CDH7: variants seen among roughly 807,000 people sequenced by gnomAD.
CDH7 encodes cadherin 7, also known as cadherin-7.
Under a neutral mutation model 71.8 loss-of-function variants are expected in CDH7, and 25 were observed. The observed-to-expected ratio is 0.35, with a 90% CI of 0.25 to 0.49. The LOEUF (loss-of-function observed/expected upper bound fraction) is 0.49, where lower values mean the gene tolerates loss of function less well. Ranked by LOEUF, CDH7 falls within the 20% of genes least tolerant of loss-of-function variation. The pLI, the probability that CDH7 is intolerant of heterozygous loss-of-function variation, is 0.99. For synonymous variants in CDH7, 381 were observed against 363.8 expected (o/e 1.05, Z -0.54); for missense variants, 862 against 974.6 (o/e 0.88, Z 1.54).
Position 65,880,941 on chromosome 18 carries a change from A to T in CDH7, c.*47A>T. 1 of 1,506,294 alleles carries T rather than the reference A, an allele frequency of 6.6e-7. No homozygotes were observed. The highest frequency in any genetic ancestry group is 2.3e-5 in the Admixed American group (1 of 43,836). The allele number at this position is 1,506,294 out of a possible 1,614,324, so 93.3% of individuals were successfully genotyped here. ...TGTACTGAAGAAAAAGTAACAGCAA[A>T]AAATAAAATAAAATGAAATAAAATA... On this transcript the variant is annotated 3_prime_UTR_variant, in exon 12 of 12. Coordinates refer to ENST00000397968, the MANE Select transcript of CDH7 (RefSeq NM_004361.5).
At chr18:65,875,580 T>A (rs1395690484) in intron 11 of CDH7, among the ~76,000 whole-genome samples, 1 of 152,146 alleles carries the variant, frequency 6.6e-6, no homozygotes, top group Non-Finnish European at 1.5e-5. Context: ...CTGGACAACT[T>A]AAACTAATTT....
Position 65,884,439 on chromosome 18 carries a change from C to G in CDH7, c.*3545C>G, listed in dbSNP as rs935654986. The G allele has an allele frequency of 6.6e-6, 1 of 152,096 alleles. No homozygotes were observed. Among genetic ancestry groups the G allele is most frequent in the African/African-American group, 2.4e-5 (1 of 41,416 alleles). 9.4% of individuals were successfully genotyped at this position (152,096 alleles called of 1,614,324 possible). On this transcript the variant is annotated 3_prime_UTR_variant, in exon 12 of 12. Coordinates refer to ENST00000397968, the MANE Select transcript of CDH7 (RefSeq NM_004361.5). ...GATGACTACAATTGAGGTTAGTTGT[C>G]TACAAGATACATGCAGGAGGTAGTA...
Position 65,820,919 on chromosome 18 carries a change from G to T in CDH7, c.626-1162G>T, listed in dbSNP as rs9945564. 5.8e-3 allele frequency among the ~76,000 whole-genome samples: 875 copies of T among 152,040 alleles called. 12 individuals are homozygous for T. The highest frequency in any genetic ancestry group is 0.015 in the African/African-American group (618 of 41,472). Reference sequence around the variant, plus strand: ...GTGCACAGATGATAACACACATACTGATATTAGAAGGAAAAATGAGAGATG... The same window carrying T: ...GTGCACAGATGATAACACACATACTTATATTAGAAGGAAAAATGAGAGATG... On this transcript the variant is annotated intron_variant, in intron 4 of 11. Transcript: ENST00000397968.
chr18:65,829,466 T>TA (rs35511160), intron 6 of CDH7, among the ~76,000 whole-genome samples: 41,136 of 144,622 alleles, frequency 0.28, 5,932 homozygotes, highest in African/African-American at 0.35. Context: ...TAGGTAAAAT[T>TA]AAAAAAAAAA....
At chr18:65,870,163 T>A (rs1913886576) in intron 11 of CDH7, among the ~76,000 whole-genome samples, 1 of 152,214 alleles carries the variant, frequency 6.6e-6, no homozygotes, top group Admixed American at 6.5e-5. Context: ...CAGTTTAAAA[T>A]TCAGTTAAAT....
At chr18:65,789,474 TG>T (rs1220602976) in intron 2 of CDH7, among the ~76,000 whole-genome samples, 1 of 113,722 alleles carries the variant, frequency 8.8e-6, no homozygotes, top group Non-Finnish European at 1.6e-5. Flanking sequence ...TTTTTTTGTT[TG>T]TTTTTTTTTG....
In CDH7 at chr18:65,880,395, T is replaced by A; in HGVS notation, c.1865-6T>A. The A allele has an allele frequency of 6.5e-7, 1 of 1,529,166 alleles. No individual in the cohort carries two copies. Among genetic ancestry groups the A allele is most frequent in the Non-Finnish European group, 8.7e-7 (1 of 1,144,164 alleles). 94.7% of individuals were successfully genotyped at this position (1,529,166 alleles called of 1,614,324 possible). ...GAAACTTTCTCTTCCTGTCTTATTG[T>A]TTCAGTGTTGATCCTCCTTATCGTC... On this transcript the variant is annotated splice_polypyrimidine_tract_variant and splice_region_variant and intron_variant, in intron 11 of 11. Transcript: ENST00000397968.
At chr18:65,766,885 T>TAAAAAAAAAAAAA (rs61611288) in intron 2 of CDH7, among the ~76,000 whole-genome samples, 2 of 88,616 alleles carry the variant, frequency 2.3e-5, no homozygotes, top group East Asian at 3.7e-4. Flanking sequence ...CTGTCTGACG[T>TAAAAAAAAAAAAA]AAAAAAAAAA....
At chr18:65,765,904 G>T (rs919981267) in intron 2 of CDH7, among the ~76,000 whole-genome samples, 3 of 151,836 alleles carry the variant, frequency 2.0e-5, no homozygotes, top group Non-Finnish European at 4.4e-5. Flanking sequence ...ATTCAATTCT[G>T]TTACTCAATA....
In CDH7 at chr18:65,809,968, A is replaced by G. The variant is rs146356739; in HGVS notation, c.475A>G (p.Thr159Ala). The stretch of plus-strand genomic sequence containing the variant: ...ACCCAAATTTTTGGATGGCCCATAC[A>G]CGGCAGGAGTTCCCGAAATGTCTCC... ...NEPKFLDGPYTAGVPEMSPVG... is the reference protein window; with the variant it reads ...NEPKFLDGPYAAGVPEMSPVG... The change falls in exon 3 of 12, where the codon ACG becomes GCG. Residue 159 changes from threonine to alanine, a missense_variant. By Grantham distance (58) the Thr-to-Ala change is moderately conservative. Coordinates refer to ENST00000397968, the MANE Select transcript of CDH7 (RefSeq NM_004361.5). 3.6e-5 allele frequency: 58 copies of G among 1,611,996 alleles called. No homozygotes were observed. The African/African-American group carries it at 6.5e-4, about 18-fold the overall frequency.
intron 7 of CDH7, among the ~76,000 whole-genome samples, chr18:65,847,963 G>GA (rs376444375): frequency 0.36 from 39,681 of 111,400 alleles, 5,424 homozygotes; most frequent in Non-Finnish European, 0.43. Context: ...TACTTAGAGG[G>GA]AAAAAAAACG....
Position 65,881,097 on chromosome 18 carries a change from T to G in CDH7, c.*203T>G. On this transcript the variant is annotated 3_prime_UTR_variant, in exon 12 of 12. Coordinates refer to ENST00000397968, the MANE Select transcript of CDH7 (RefSeq NM_004361.5). ...TCTTCATTAGACTTATCTAAAGGACTGCACTGACCACAGACTCTGAGCATT... is the reference window on the plus strand; with the variant it reads ...TCTTCATTAGACTTATCTAAAGGACGGCACTGACCACAGACTCTGAGCATT... The G allele has an allele frequency of 2.1e-6, 1 of 484,162 alleles. No homozygotes were observed. The highest frequency in any genetic ancestry group is 4.1e-5 in the South Asian group (1 of 24,496). 30.0% of individuals were successfully genotyped at this position (484,162 alleles called of 1,614,324 possible).
intron 5 of CDH7, 36 bp from the exon 6 acceptor site, chr18:65,824,608 G>A: frequency 1.4e-6 from 2 of 1,411,532 alleles, no homozygotes; most frequent in East Asian, 2.4e-5. Flanking sequence ...GGTTAGTTTG[G>A]TGTAACGTGT....
intron 2 of CDH7, among the ~76,000 whole-genome samples, chr18:65,767,070 G>T (rs1916397970): frequency 6.7e-6 from 1 of 150,000 alleles, no homozygotes; most frequent in African/African-American, 2.5e-5. Context: ...TGCTTCCCTA[G>T]CTGTTAACAT....
At chr18:65,799,675 C>CAA (rs56087234) in intron 2 of CDH7, among the ~76,000 whole-genome samples, 3 of 139,618 alleles carry the variant, frequency 2.1e-5, no homozygotes, top group African/African-American at 7.9e-5. Context: ...GACTCTGTGT[C>CAA]AAAAAAAAAA....
intron 2 of CDH7, among the ~76,000 whole-genome samples, chr18:65,804,785 G>A (rs1207082023): frequency 6.6e-6 from 1 of 151,828 alleles, no homozygotes; most frequent in Non-Finnish European, 1.5e-5. Context: ...GGAAACAGGA[G>A]TAAGAAAGAT....
chr18:65,857,774 C>G, intron 7 of CDH7, 42 bp from the exon 8 acceptor site: 1 of 1,588,280 alleles, frequency 6.3e-7, no homozygotes, highest in African/African-American at 1.3e-5. Flanking sequence ...TATAATCAAA[C>G]GTACATGTTG....
Position 65,881,911 on chromosome 18 carries a change from C to T in CDH7, c.*1017C>T, listed in dbSNP as rs1914242829. 1 of 152,116 alleles carries T rather than the reference C, an allele frequency of 6.6e-6. No homozygotes were observed. The highest frequency in any genetic ancestry group is 2.1e-4 in the South Asian group (1 of 4,832). The allele number at this position is 152,116 out of a possible 1,614,324, so 9.4% of individuals were successfully genotyped here. A position where few individuals can be genotyped will look rare whatever the true frequency, so the allele number is the denominator to read the frequency against. On this transcript the variant is annotated 3_prime_UTR_variant, in exon 12 of 12. Coordinates refer to ENST00000397968, the MANE Select transcript of CDH7 (RefSeq NM_004361.5). ...CAGCTACAAGGACATATAAATTGTT[C>T]TTCTGAGCCATTAGAATGTCAAAAC... is the stretch of plus-strand genomic sequence containing the variant.
chr18:65,842,703 C>T (rs1398693972), intron 6 of CDH7, among the ~76,000 whole-genome samples: 5 of 151,986 alleles, frequency 3.3e-5, no homozygotes, highest in Non-Finnish European at 5.9e-5. Context: ...TGCCTGCATA[C>T]ATATACACAC....
Sources: gnomAD v4.1 joint callset for allele counts (sites outside exome capture counted in the v4.1 genomes callset) on GRCh38, gnomAD v4.1.1 for gene constraint, MANE v1.5 for transcripts, NCBI Gene and HGNC (gene_info 2026-07-23, HGNC 2026-07-21) for gene names.